The following EHBP1 variants were observed in gnomAD, a reference collection of about 807,000 sequenced individuals.
The protein encoded by EHBP1 is EH domain binding protein 1.
EHBP1 carries 55 observed loss-of-function variants against 144.0 expected under a neutral mutation model. That is an observed-to-expected ratio of 0.38 (90% confidence interval 0.31 to 0.48). EHBP1 has a LOEUF of 0.48. EHBP1 is among the 20% of genes least tolerant of loss of function. The pLI, the probability that EHBP1 is intolerant of heterozygous loss-of-function variation, is 0.98. For missense variants in EHBP1, 1,200 were observed against 1,364.2 expected (o/e 0.88, Z 1.90); for synonymous variants, 469 against 472.7 (o/e 0.99, Z 0.10).
intron 2 of EHBP1, among the ~76,000 whole-genome samples, chr2:62,715,546 C>T (rs1398334016): frequency 6.6e-6 from 1 of 151,776 alleles, no homozygotes; most frequent in Non-Finnish European, 1.5e-5. Flanking sequence ...TCCAGATTTC[C>T]TTGCACTTGG....
intron 10 of EHBP1, among the ~76,000 whole-genome samples, chr2:62,886,526 A>G (rs917626397): frequency 6.6e-6 from 1 of 150,416 alleles, no homozygotes; most frequent in Admixed American, 6.6e-5. Flanking sequence ...TTTTTTTTGT[A>G]ATGAGTAATA....
At chr2:62,677,126 G>T (rs1572850055) in intron 1 of EHBP1, among the ~76,000 whole-genome samples, 1 of 152,168 alleles carries the variant, frequency 6.6e-6, no homozygotes, top group South Asian at 2.1e-4. Context: ...AACTGGGGAG[G>T]TTGAGGCTAC....
intron 10 of EHBP1, among the ~76,000 whole-genome samples, chr2:62,907,380 A>G (rs2053887393): frequency 6.6e-6 from 1 of 152,210 alleles, no homozygotes; most frequent in Non-Finnish European, 1.5e-5. Context: ...GTTTTTCCCT[A>G]AAGGCTAATG....
intron 5 of EHBP1, among the ~76,000 whole-genome samples, chr2:62,797,208 T>C (rs2421738): frequency 0.022 from 3,327 of 152,326 alleles, 85 homozygotes; most frequent in African/African-American, 0.067. Flanking sequence ...TAGCTATGCA[T>C]GGCTTTTGTG....
rs141186193 is a variant in EHBP1, at chr2:62,756,500, G to A, written c.163-7766G>A. The stretch of plus-strand genomic sequence containing the variant: ...AATGCTGTTTTAGGCTGCGCGTGTT[G>A]GCTCATGCCTGTAATCCCAGCACTT... On this transcript the variant is annotated intron_variant, in intron 3 of 22. Transcript: ENST00000431489. Among the ~76,000 whole-genome samples, 30 of 152,268 alleles carry A rather than the reference G, an allele frequency of 2.0e-4. No homozygotes were observed. The East Asian group carries it at 5.8e-3, about 29-fold the overall frequency.
intron 5 of EHBP1, among the ~76,000 whole-genome samples, chr2:62,798,805 C>A (rs1467291550): frequency 6.6e-6 from 1 of 151,890 alleles, no homozygotes; most frequent in African/African-American, 2.4e-5. Context: ...GAGTTCAAGA[C>A]CAGCCTGGCC....
At chr2:62,940,483 T>C (rs566295491) in intron 10 of EHBP1, among the ~76,000 whole-genome samples, 2 of 152,316 alleles carry the variant, frequency 1.3e-5, no homozygotes, top group African/African-American at 4.8e-5. Context: ...ATGAGGAAAC[T>C]GAGATGCAAA....
intron 13 of EHBP1, 68 bp downstream of exon 13, chr2:62,949,230 C>A: frequency 3.0e-6 from 4 of 1,316,192 alleles, no homozygotes; most frequent in Non-Finnish European, 4.1e-6. Flanking sequence ...TTTCTTTTTG[C>A]ATTCATAGAT....
At chr2:63,042,893 T>C (rs1156614144) in intron 21 of EHBP1, among the ~76,000 whole-genome samples, 5 of 152,034 alleles carry the variant, frequency 3.3e-5, no homozygotes, top group Admixed American at 3.3e-4. Context: ...TCAATTTAAT[T>C]CTATTTTTGA....
intron 15 of EHBP1, among the ~76,000 whole-genome samples, chr2:62,980,137 A>T (rs1018184096): frequency 6.6e-5 from 10 of 152,142 alleles, no homozygotes; most frequent in African/African-American, 1.9e-4. Context: ...GCCATCCCCA[A>T]CGTTTTTGGC....
chr2:62,876,541 G>T (rs1316905477), intron 10 of EHBP1, among the ~76,000 whole-genome samples: 1 of 152,210 alleles, frequency 6.6e-6, no homozygotes, highest in East Asian at 1.9e-4. Flanking sequence ...TAAATACATA[G>T]ACCATTGTAT....
intron 3 of EHBP1, among the ~76,000 whole-genome samples, chr2:62,754,217 G>A (rs2040042393): frequency 6.6e-6 from 1 of 152,180 alleles, no homozygotes; most frequent in African/African-American, 2.4e-5. Context: ...TAACAGTCAG[G>A]ACCCTCAGCT....
At chr2:62,899,593 A>G (rs1404285324) in intron 10 of EHBP1, among the ~76,000 whole-genome samples, 1 of 152,206 alleles carries the variant, frequency 6.6e-6, no homozygotes. Context: ...TTGGACAAAG[A>G]ACACCTGGCA....
intron 10 of EHBP1, among the ~76,000 whole-genome samples, chr2:62,892,506 T>G (rs1471240156): frequency 6.6e-6 from 1 of 152,152 alleles, no homozygotes; most frequent in Non-Finnish European, 1.5e-5. Context: ...GGCTTGACTT[T>G]AATGAACTAA....
intron 19 of EHBP1, among the ~76,000 whole-genome samples, chr2:63,028,630 A>G (rs564382643): frequency 3.3e-5 from 5 of 152,328 alleles, no homozygotes; most frequent in Admixed American, 2.0e-4. Flanking sequence ...GTCCGACTGC[A>G]TGATACATCT....
intron 10 of EHBP1, among the ~76,000 whole-genome samples, chr2:62,901,265 TCTTA>T (rs2053388686): frequency 6.6e-6 from 1 of 152,212 alleles, no homozygotes. Flanking sequence ...TTATTTTAGT[TCTTA>T]CTTTAATCTT....
intron 10 of EHBP1, among the ~76,000 whole-genome samples, chr2:62,876,900 A>G (rs548952977): frequency 6.6e-6 from 1 of 152,338 alleles, no homozygotes; most frequent in East Asian, 1.9e-4. Context: ...TACAGAGACA[A>G]ACCATATCAA....
chr2:62,710,067 GC>G (rs1227729807), intron 2 of EHBP1, among the ~76,000 whole-genome samples: 7 of 152,050 alleles, frequency 4.6e-5, no homozygotes, highest in Admixed American at 4.6e-4. Flanking sequence ...AGTAAGACTG[GC>G]CTCTGGAGAT....
At chr2:63,011,457 G>T (rs910195896) in intron 19 of EHBP1, among the ~76,000 whole-genome samples, 1 of 151,722 alleles carries the variant, frequency 6.6e-6, no homozygotes, top group Admixed American at 6.6e-5. Flanking sequence ...TAGTTTTTTT[G>T]GACTTTGACA....
Sources: gnomAD v4.1 joint callset for allele counts (sites outside exome capture counted in the v4.1 genomes callset) on GRCh38, gnomAD v4.1.1 for gene constraint, MANE v1.5 for transcripts, NCBI Gene and HGNC (gene_info 2026-07-23, HGNC 2026-07-21) for gene names.